The following PSD3 variants were observed in gnomAD, a reference collection of about 807,000 sequenced individuals.
PSD3 encodes pleckstrin and Sec7 domain containing 3, also known as PH and SEC7 domain-containing protein 3.
Under a neutral mutation model 105.5 loss-of-function variants are expected in PSD3, and 49 were observed. The ratio of observed to expected loss-of-function variants is 0.46; its 90% CI spans 0.37 to 0.59. The LOEUF is 0.59. Among genes scored for constraint, PSD3 ranks in the 20% least tolerant of loss-of-function variants. The pLI is 0.00. For synonymous variants in PSD3, 557 were observed against 457.8 expected (o/e 1.22, Z -2.77); for missense variants, 1,561 against 1,263.8 (o/e 1.24, Z -3.57).
chr8:18,927,269 A>G (rs1225437141), intron 2 of PSD3, among the ~76,000 whole-genome samples: 2 of 151,984 alleles, frequency 1.3e-5, no homozygotes, highest in Non-Finnish European at 2.9e-5. Context: ...GCTGGGGTGC[A>G]AGGGCGCAAC....
intron 9 of PSD3, among the ~76,000 whole-genome samples, chr8:18,726,146 C>T (rs1020977628): frequency 2.6e-5 from 4 of 152,218 alleles, no homozygotes; most frequent in African/African-American, 9.6e-5. Flanking sequence ...CCACCACTTC[C>T]CTAAACCCAG....
chr8:18,835,621 G>A lies in PSD3; in HGVS notation c.1635-30723C>T, dbSNP rs531172335. Among the ~76,000 whole-genome samples the A allele has an allele frequency of 1.4e-4, 22 of 152,302 alleles. 1 individual carries two copies. The highest frequency in any genetic ancestry group is 4.1e-4 in the African/African-American group (17 of 41,572). Reference sequence around the variant, plus strand: ...AAGCAGGCAAGGAGAATATGAAACCGTGAGAGGAAAAGAGTTATAATTTTA... The same window carrying A: ...AAGCAGGCAAGGAGAATATGAAACCATGAGAGGAAAAGAGTTATAATTTTA... On this transcript the variant is annotated intron_variant, in intron 4 of 15. Transcript: ENST00000327040.
intron 2 of PSD3, 58 bp downstream of exon 2, chr8:18,935,976 T>A (rs996640111): frequency 8.7e-7 from 1 of 1,145,136 alleles, no homozygotes; most frequent in African/African-American, 1.5e-5. Context: ...AAAAATCACT[T>A]TGAAATCACA....
intron 15 of PSD3, among the ~76,000 whole-genome samples, chr8:18,543,352 C>G (rs1800256354): frequency 1.3e-5 from 2 of 152,130 alleles, no homozygotes; most frequent in African/African-American, 2.4e-5. Context: ...CGGTGACTCA[C>G]ACCTGTAATC....
chr8:18,668,095 C>A (rs543739499), intron 9 of PSD3, among the ~76,000 whole-genome samples: 2 of 152,218 alleles, frequency 1.3e-5, no homozygotes, highest in Non-Finnish European at 2.9e-5. Context: ...CTGAGGGAGC[C>A]GGCTCCGGCC....
Position 18,979,672 on chromosome 8 carries a change from C to T in PSD3, c.21+33891G>A, listed in dbSNP as rs141766561. On this transcript the variant is annotated intron_variant, in intron 1 of 15. Coordinates refer to ENST00000327040, the MANE Select transcript of PSD3 (RefSeq NM_015310.4). ...GGCCAGTGACTGGCCAATGAACTCA[C>T]AAGTGTAGACAGGGTGTTACGCAAG... 11 of 166,752 alleles carry T rather than the reference C, an allele frequency of 6.6e-5. No individual in the cohort carries two copies. In the East Asian group the frequency reaches 1.8e-3, roughly 27 times the overall value. The allele number at this position is 166,752 out of a possible 1,614,324, so 10.3% of individuals were successfully genotyped here. A position where few individuals can be genotyped will look rare whatever the true frequency, so the allele number is the denominator to read the frequency against.
At chr8:19,021,194 T>C (rs1487958106) in intron 1 of PSD3, among the ~76,000 whole-genome samples, 1 of 152,222 alleles carries the variant, frequency 6.6e-6, no homozygotes, top group African/African-American at 2.4e-5. Context: ...CAAAAGAATG[T>C]TCTTTAATGG....
chr8:18,611,528 T>C lies in PSD3; in HGVS notation c.2411-11094A>G, dbSNP rs540116277. On this transcript the variant is annotated intron_variant, in intron 11 of 15. Transcript: ENST00000327040. ...TCACTTAGCCAGTCCTATGCTTTAC[T>C]TTCTTCCTGTATAAAACAGTTTTTC... is the stretch of plus-strand genomic sequence containing the variant. 1.6e-3 allele frequency among the ~76,000 whole-genome samples: 240 copies of C among 152,338 alleles called. 2 individuals are homozygous for C. Among genetic ancestry groups the C allele is most frequent in the African/African-American group, 5.1e-3 (212 of 41,586 alleles).
intron 9 of PSD3, among the ~76,000 whole-genome samples, chr8:18,694,032 G>A (rs1181837079): frequency 6.6e-6 from 1 of 152,166 alleles, no homozygotes; most frequent in African/African-American, 2.4e-5. Context: ...TTTGGGATCT[G>A]AAAATAGTCC....
At chr8:18,808,454 C>A (rs912090412) in intron 4 of PSD3, among the ~76,000 whole-genome samples, 1 of 152,178 alleles carries the variant, frequency 6.6e-6, no homozygotes, top group Non-Finnish European at 1.5e-5. Flanking sequence ...CATTCCATTC[C>A]TCATGTTACT....
chr8:18,853,602 T>G (rs1563347103), intron 4 of PSD3, among the ~76,000 whole-genome samples: 1 of 152,124 alleles, frequency 6.6e-6, no homozygotes, highest in Non-Finnish European at 1.5e-5. Context: ...GAAGTTTCAG[T>G]AAAACGTTGA....
chr8:19,034,897 C>T (rs73596665), intron 1 of PSD3, among the ~76,000 whole-genome samples: 4,573 of 152,140 alleles, frequency 0.03, 225 homozygotes, highest in African/African-American at 0.1. Context: ...CCTCTGCATC[C>T]CCTCTCCTCA....
rs953231585 is a variant in PSD3, at chr8:18,824,193, T to A, written c.1635-19295A>T. On this transcript the variant is annotated intron_variant, in intron 4 of 15. Transcript: ENST00000327040. ...TCTCTAAGAAAATCAGTAACTTTTT[T>A]AAAGTGAGACCCAGGCTATGTCAAT... Among the ~76,000 whole-genome samples, 13 of 152,236 alleles carry A rather than the reference T, an allele frequency of 8.5e-5. No individual in the cohort carries two copies. In the East Asian group the frequency reaches 1.7e-3, roughly 20 times the overall value.
intron 9 of PSD3, among the ~76,000 whole-genome samples, chr8:18,688,253 G>T (rs1463849088): frequency 7.4e-6 from 1 of 135,928 alleles, no homozygotes; most frequent in Admixed American, 7.2e-5. Context: ...ATCACGTCAG[G>T]CTGTTTGTTT....
At chr8:19,048,132 G>A (rs1828390177) in intron 1 of PSD3, among the ~76,000 whole-genome samples, 1 of 152,130 alleles carries the variant, frequency 6.6e-6, no homozygotes, top group Non-Finnish European at 1.5e-5. Context: ...TGCCACAGTT[G>A]GCAGCCAGGG....
intron 9 of PSD3, among the ~76,000 whole-genome samples, chr8:18,659,516 T>C (rs7824406): frequency 0.11 from 16,559 of 152,246 alleles, 1,372 homozygotes; most frequent in East Asian, 0.46. Flanking sequence ...CTCAAGTAAA[T>C]AACACTTCAT....
chr8:18,725,068 T>C (rs1367190675), intron 9 of PSD3, among the ~76,000 whole-genome samples: 3 of 152,218 alleles, frequency 2.0e-5, no homozygotes, highest in Non-Finnish European at 4.4e-5. Flanking sequence ...TTCTACCAAA[T>C]AAACTTCCAT....
chr8:18,912,700 T>C (rs1820311241), intron 2 of PSD3, among the ~76,000 whole-genome samples: 1 of 152,098 alleles, frequency 6.6e-6, no homozygotes, highest in African/African-American at 2.4e-5. Context: ...ACCAGAACCC[T>C]CCTCCTCTTT....
At chr8:18,870,783 T>C (rs1817285590) in intron 3 of PSD3, among the ~76,000 whole-genome samples, 2 of 152,150 alleles carry the variant, frequency 1.3e-5, no homozygotes, top group Non-Finnish European at 2.9e-5. Flanking sequence ...AATCTACTTC[T>C]GACCCCCTGA....
Sources: gnomAD v4.1 joint callset for allele counts (sites outside exome capture counted in the v4.1 genomes callset) on GRCh38, gnomAD v4.1.1 for gene constraint, MANE v1.5 for transcripts, NCBI Gene and HGNC (gene_info 2026-07-23, HGNC 2026-07-21) for gene names.